PSMC1: variants seen among roughly 807,000 people sequenced by gnomAD.
PSMC1 encodes the protein proteasome 26S subunit, ATPase 1, also known as 26S proteasome regulatory subunit 4.
A neutral mutation model predicts 49.8 loss-of-function variants in PSMC1; 5 were observed. The observed-to-expected ratio is 0.10, with a 90% CI of 0.05 to 0.21. The LOEUF is 0.21. Ranked by LOEUF, PSMC1 falls within the 10% of genes least tolerant of loss-of-function variation. The pLI is 1.00. For synonymous variants in PSMC1, 155 were observed against 192.1 expected (o/e 0.81, Z 1.60); for missense variants, 181 against 535.7 (o/e 0.34, Z 6.54).
Position 90,268,375 on chromosome 14 carries a change from C to T in PSMC1, c.843C>T (p.Ile281=), listed in dbSNP as rs147061412. 1.2e-5 allele frequency: 19 copies of T among 1,612,990 alleles called. No individual in the cohort carries two copies. The African/African-American group carries it at 1.2e-4, about 10-fold the overall frequency. Residue 281 remains isoleucine (I), a synonymous_variant, in exon 8 of 11, where the codon ATC becomes ATT. Transcript: ENST00000261303. ...FRVAEEHAPS[I]VFIDEIDAIG... ...TTGCTGAAGAACATGCACCGTCCAT[C>T]GTGTTTATTGATGAAATTGACGCCA...
intron 8 of PSMC1, 113 bp downstream of exon 8, chr14:90,268,526 C>T (rs1413034890): frequency 2.1e-5 from 22 of 1,044,746 alleles, no homozygotes; most frequent in African/African-American, 4.8e-5. Flanking sequence ...TCTTGCTGTG[C>T]GTGGCCTTCC....
Position 90,263,364 on chromosome 14 carries a change from A to G in PSMC1, c.201A>G (p.Arg67=). 1 of 1,591,580 alleles carries G rather than the reference A, an allele frequency of 6.3e-7. No homozygotes were observed. Among genetic ancestry groups the G allele is most frequent in the South Asian group, 1.2e-5 (1 of 86,758 alleles). ...GGTTAAAATTACTGAAGTTAGAGAG[A>G]ATTAAAGACTATCTTCTCATGGAGG... The part of the protein sequence containing the change: ...QCRLKLLKLE[R]IKDYLLMEEE... Residue 67 remains arginine (R), a synonymous_variant, in exon 4 of 11, where the codon AGA becomes AGG. Coordinates refer to ENST00000261303, the MANE Select transcript of PSMC1 (RefSeq NM_002802.3).
intron 3 of PSMC1, among the ~76,000 whole-genome samples, chr14:90,261,650 C>G (rs1232530681): frequency 6.6e-6 from 1 of 152,118 alleles, no homozygotes; most frequent in East Asian, 1.9e-4. Flanking sequence ...AGTCAGGAAA[C>G]AACAGGTGCT....
intron 7 of PSMC1, among the ~76,000 whole-genome samples, chr14:90,265,606 A>G (rs562580436): frequency 1.5e-3 from 228 of 150,266 alleles, no homozygotes; most frequent in African/African-American, 5.3e-3. Flanking sequence ...GGAGAATGGC[A>G]TGAACCCGGG....
chr14:90,256,619 C>T lies in PSMC1; in HGVS notation c.3+19C>T. On this transcript the variant is annotated intron_variant, in intron 1 of 10. Coordinates refer to ENST00000261303, the MANE Select transcript of PSMC1 (RefSeq NM_002802.3). ...CAAGATGGTGAGTGACTAAGGGTTT[C>T]TTTCCGCTGGTCGTCGCGGTGCGAT... 1 of 1,587,248 alleles carries T rather than the reference C, an allele frequency of 6.3e-7. No individual in the cohort carries two copies. The highest frequency in any genetic ancestry group is 8.6e-7 in the Non-Finnish European group (1 of 1,166,504).
At position 90,258,006 on chromosome 14, in the gene PSMC1, T is replaced by A. The variant is rs150491149; in HGVS notation, c.4-1154T>A. Among the ~76,000 whole-genome samples the A allele has an allele frequency of 1.7e-3, 263 of 152,376 alleles. 1 individual carries two copies. Among genetic ancestry groups the A allele is most frequent in the Admixed American group, 2.0e-3 (30 of 15,306 alleles). On this transcript the variant is annotated intron_variant, in intron 1 of 10. Coordinates refer to ENST00000261303, the MANE Select transcript of PSMC1 (RefSeq NM_002802.3). ...CGAGGTAATTACTACTGTCCTCATT[T>A]TGATAAGGAAGAAATGGAAACACAG...
In PSMC1 at chr14:90,273,811, C is replaced by T. The variant is rs182168227; in HGVS notation, c.*1404C>T. ...GGCCTTTGCCAGTCTGTGAAGGCCACCCTCCCTCCTGACTCGTGGCACTTC... is the reference window on the plus strand; with the variant it reads ...GGCCTTTGCCAGTCTGTGAAGGCCATCCTCCCTCCTGACTCGTGGCACTTC... On this transcript the variant is annotated 3_prime_UTR_variant, in exon 11 of 11. Transcript: ENST00000261303. 3.6e-4 allele frequency: 56 copies of T among 154,778 alleles called. No homozygotes were observed. The highest frequency in any genetic ancestry group is 1.3e-3 in the African/African-American group (53 of 41,644). 9.6% of individuals were successfully genotyped at this position (154,778 alleles called of 1,614,324 possible). A position where few individuals can be genotyped will look rare whatever the true frequency, so the allele number is the denominator to read the frequency against.
chr14:90,270,487 T>C, intron 10 of PSMC1, 135 bp downstream of exon 10: 1 of 989,558 alleles, frequency 1.0e-6, no homozygotes, highest in Non-Finnish European at 1.4e-6. Context: ...TGGTTTACGA[T>C]TACATCCAAA....
chr14:90,268,088 CTTGAA>C (rs897977195), intron 7 of PSMC1, 131 bp from the exon 8 acceptor site: 14 of 643,596 alleles, frequency 2.2e-5, no homozygotes, highest in African/African-American at 3.7e-5. Context: ...TGTCGTGACA[CTTGAA>C]TTGGTGCCAT....
intron 7 of PSMC1, among the ~76,000 whole-genome samples, chr14:90,266,140 A>G (rs1025853598): frequency 9.9e-5 from 15 of 151,938 alleles, no homozygotes; most frequent in Non-Finnish European, 2.1e-4. Flanking sequence ...CTGTAGTCCC[A>G]GCTACCTGGG....
chr14:90,260,131 A>T lies in PSMC1; in HGVS notation c.74A>T (p.Tyr25Phe), dbSNP rs1595039522. 1 of 1,587,568 alleles carries T rather than the reference A, an allele frequency of 6.3e-7. No individual in the cohort carries two copies. Among genetic ancestry groups the T allele is most frequent in the Non-Finnish European group, 8.5e-7 (1 of 1,173,074 alleles). The change falls in exon 3 of 11, where the codon TAT becomes TTT. Residue 25 changes from tyrosine (Y) to phenylalanine (F), a missense_variant. Physicochemically the swap from Tyr to Phe is conservative, Grantham distance 22. Around this residue, in one of 3 missense-constraint regions of PSMC1, gnomAD observed 121 missense variants for 358.6 expected, o/e 0.34. Transcript: ENST00000261303. Reference sequence around the variant, plus strand: ...CAACTCAAGGACAAGAAAAAGAAATATGAACCTCCTGTACCAACTAGAGTG... The same window carrying T: ...CAACTCAAGGACAAGAAAAAGAAATTTGAACCTCCTGTACCAACTAGAGTG... ...KKDDKDKKKK[Y>F]EPPVPTRVGK...
chr14:90,264,627 A>T lies in PSMC1; in HGVS notation c.595-443A>T, dbSNP rs141706889. 3.0e-3 allele frequency among the ~76,000 whole-genome samples: 457 copies of T among 152,274 alleles called. 3 individuals carry two copies. The highest frequency in any genetic ancestry group is 0.011 in the African/African-American group (445 of 41,560). ...AGGATGGCCGTCGGCTCTCTGCATGATCTTTCATAGGGAAGTCATTCCGAG... is the reference window on the plus strand; with the variant it reads ...AGGATGGCCGTCGGCTCTCTGCATGTTCTTTCATAGGGAAGTCATTCCGAG... On this transcript the variant is annotated intron_variant, in intron 6 of 10. Coordinates refer to ENST00000261303, the MANE Select transcript of PSMC1 (RefSeq NM_002802.3).
intron 9 of PSMC1, 126 bp from the exon 10 acceptor site, chr14:90,270,072 A>AC (rs1891622537): frequency 1.0e-6 from 1 of 968,988 alleles, no homozygotes; most frequent in African/African-American, 1.6e-5. Context: ...TAAAATTTAG[A>AC]CATCCTTCCC....
intron 3 of PSMC1, among the ~76,000 whole-genome samples, chr14:90,262,166 G>GT (rs1276308284): frequency 1.1e-5 from 1 of 94,852 alleles, no homozygotes; most frequent in Non-Finnish European, 2.0e-5. Flanking sequence ...GGGGGAGGGG[G>GT]AGGGATAGCA....
intron 7 of PSMC1, among the ~76,000 whole-genome samples, chr14:90,266,876 T>C (rs546904370): frequency 1.8e-4 from 28 of 152,336 alleles, no homozygotes; most frequent in Middle Eastern, 6.8e-3. Context: ...AGCAACATCA[T>C]TGCCACATGT....
At chr14:90,260,604 T>C (rs976970402) in intron 3 of PSMC1, among the ~76,000 whole-genome samples, 1 of 151,962 alleles carries the variant, frequency 6.6e-6, no homozygotes, top group Non-Finnish European at 1.5e-5. Context: ...TGGTGGCGGG[T>C]GCCTGTAGTC....
In PSMC1 at chr14:90,273,000, AAGCCCTTCTG is replaced by A. The variant is rs1161303824; in HGVS notation, c.*601_*610del. On this transcript the variant is annotated 3_prime_UTR_variant, in exon 11 of 11. Transcript: ENST00000261303. This position sits in a 1 kb window ranked among gnomAD's most constrained non-coding sequence, Gnocchi z 4.5. ...CTGAGGATTCCTAGAGATATCTTGA[AAGCCCTTCTG>A]AGCCCTTGGGCTCAGAAATCTCATC... 2 of 152,196 alleles carry A rather than the reference AAGCCCTTCTG, an allele frequency of 1.3e-5. No homozygotes were observed. Among genetic ancestry groups the A allele is most frequent in the Non-Finnish European group, 2.9e-5 (2 of 68,048 alleles). 9.4% of individuals were successfully genotyped at this position (152,196 alleles called of 1,614,324 possible).
In PSMC1 at chr14:90,274,838, A is replaced by ACACACACACACACACACACACC. The variant is rs1491397403; in HGVS notation, c.*2432_*2433insACACACACACACACACACACCC. ...CACACACACACACACACACACACAC[A>ACACACACACACACACACACACC]CCCCAATACATATGAATTGATCTGA... On this transcript the variant is annotated 3_prime_UTR_variant, in exon 11 of 11. Transcript: ENST00000261303. 1.5e-5 allele frequency: 1 copy of ACACACACACACACACACACACC among 67,184 alleles called. No homozygotes were observed. Among genetic ancestry groups the ACACACACACACACACACACACC allele is most frequent in the Non-Finnish European group, 3.2e-5 (1 of 31,320 alleles). The allele number at this position is 67,184 out of a possible 1,614,324, so 4.2% of individuals were successfully genotyped here.
intron 7 of PSMC1, among the ~76,000 whole-genome samples, chr14:90,266,289 A>C (rs1026642965): frequency 6.6e-6 from 1 of 151,994 alleles, no homozygotes; most frequent in African/African-American, 2.4e-5. Flanking sequence ...CCTATTCTGC[A>C]GTATCAGATT....
Sources: allele counts gnomAD v4.1 joint callset (sites outside exome capture counted in the v4.1 genomes callset), GRCh38; gene constraint gnomAD v4.1.1; regional missense constraint gnomAD v4.1.1; non-coding constraint Gnocchi (gnomAD v3.1); transcripts MANE v1.5; gene names NCBI Gene and HGNC (gene_info 2026-07-23, HGNC 2026-07-21).